ARHGAP36: variants seen among roughly 807,000 people sequenced by gnomAD.
ARHGAP36 encodes the protein rho GTPase-activating protein 36.
ARHGAP36 carries 7 observed loss-of-function variants against 32.9 expected under a neutral mutation model. That is an observed-to-expected ratio of 0.21 (90% CI 0.12 to 0.40). The LOEUF (loss-of-function observed/expected upper bound fraction) is 0.40, where lower values mean the gene tolerates loss of function less well. ARHGAP36 is among the 10% of genes least tolerant of loss of function. ARHGAP36 has a pLI of 1.00. For missense variants in ARHGAP36, 383 were observed against 442.2 expected (o/e 0.87, Z 1.20); for synonymous variants, 165 against 168.3 (o/e 0.98, Z 0.15).
At chrX:131,068,887 C>T (rs908100350) in intron 1 of ARHGAP36, among the ~76,000 whole-genome samples, 4 of 111,710 alleles carry the variant, frequency 3.6e-5, no homozygotes, top group Non-Finnish European at 1.9e-5. Flanking sequence ...TAGAAATCCC[C>T]GACCCCGCGC....
intron 11 of ARHGAP36, among the ~76,000 whole-genome samples, 155 bp downstream of exon 11, chrX:131,086,820 T>C (rs2079838069): frequency 8.9e-6 from 1 of 111,754 alleles, no homozygotes; most frequent in South Asian, 3.8e-4. Context: ...AATATCTTAA[T>C]CAAGGAGTAG....
chrX:131,071,737 C>T (rs1419091633), intron 1 of ARHGAP36, among the ~76,000 whole-genome samples: 1 of 111,719 alleles, frequency 9.0e-6, no homozygotes, highest in Non-Finnish European at 1.9e-5. Flanking sequence ...TCTCCTTTGC[C>T]CAGGCTCTGC....
chrX:131,070,799 T>C (rs1289178214), intron 1 of ARHGAP36, among the ~76,000 whole-genome samples: 1 of 109,174 alleles, frequency 9.2e-6, no homozygotes, highest in East Asian at 2.9e-4. Context: ...ATCGCTGTAA[T>C]CCAGGCCTCT....
chrX:131,078,361 T>C (rs2079776178), intron 1 of ARHGAP36, among the ~76,000 whole-genome samples: 1 of 112,203 alleles, frequency 8.9e-6, no homozygotes, highest in African/African-American at 3.2e-5. Context: ...CTAACACTAG[T>C]AAAAGTATTT....
At chrX:131,068,628 AC>A (rs2079714810) in intron 1 of ARHGAP36, among the ~76,000 whole-genome samples, 1 of 29,586 alleles carries the variant, frequency 3.4e-5, no homozygotes, top group Non-Finnish European at 6.5e-5. Flanking sequence ...CCCCCTCCGC[AC>A]CCCCACCCTC....
At chrX:131,084,433 C>T in intron 5 of ARHGAP36, 26 bp downstream of exon 5, 2 of 1,187,876 alleles carry the variant, frequency 1.7e-6, no homozygotes, top group Non-Finnish European at 1.1e-6. Flanking sequence ...ATGGGTAAAT[C>T]AAGGAAGGAA....
In ARHGAP36 at chrX:131,081,934, G is replaced by T; in HGVS notation, c.253+16G>T. The T allele has an allele frequency of 8.3e-7, 1 of 1,207,814 alleles. No homozygotes were observed. The highest frequency in any genetic ancestry group is 1.1e-6 in the Non-Finnish European group (1 of 893,224). ...CCTGACAGAGGTAAGCTGTACCCCG[G>T]ATTGTGGCATCCTCGCCTTCGGGAG... On this transcript the variant is annotated intron_variant, in intron 2 of 11. Transcript: ENST00000276211.
intron 2 of ARHGAP36, among the ~76,000 whole-genome samples, chrX:131,082,629 G>T (rs2079809122): frequency 8.8e-6 from 1 of 113,499 alleles, no homozygotes; most frequent in African/African-American, 3.2e-5. Flanking sequence ...AACGCAGCTT[G>T]AATTGAGCGA....
In ARHGAP36 at chrX:131,081,681, C is replaced by A. The variant is rs1335634240; in HGVS notation, c.16C>A (p.Pro6Thr). 3 of 1,195,241 alleles carry A rather than the reference C, an allele frequency of 2.5e-6. No homozygotes were observed. Among genetic ancestry groups the A allele is most frequent in the African/African-American group, 3.5e-5 (2 of 56,540 alleles). Residue 6 changes from proline (P) to threonine (T), a missense_variant, in exon 2 of 12, where the codon CCT becomes ACT. Transcript: ENST00000276211. Reference sequence around the variant, plus strand: ...CGATTCCAGAATGGGTGGCTGCATTCCTTTTCTGAAGGCAGCAAGGGCACT... The same window carrying A: ...CGATTCCAGAATGGGTGGCTGCATTACTTTTCTGAAGGCAGCAAGGGCACT... MGGCI[P>T]FLKAARALCP...
chrX:131,066,436 C>T (rs185151681), intron 1 of ARHGAP36, among the ~76,000 whole-genome samples: 1 of 111,798 alleles, frequency 8.9e-6, no homozygotes, highest in East Asian at 2.8e-4. Flanking sequence ...CACCAGCCTA[C>T]GGAGAGCTCC....
Position 131,084,302 on chromosome X carries a change from A to G in ARHGAP36, c.643A>G (p.Ile215Val), listed in dbSNP as rs780684919. 26 of 1,210,095 alleles carry G rather than the reference A, an allele frequency of 2.1e-5. No individual in the cohort carries two copies. Among genetic ancestry groups the G allele is most frequent in the Non-Finnish European group, 1.0e-5 (9 of 895,197 alleles). Residue 215 changes from isoleucine (I) to valine (V), a missense_variant, in exon 5 of 12, where the codon ATT becomes GTT. Ile to Val is a conservative substitution (Grantham distance 29, BLOSUM62 3). Transcript: ENST00000276211. ...TLQLSKISFP[I>V]GQRLLGSKRK... ...GCAGCTTTCAAAAATTTCCTTTCCAATTGGCCAACGACTTCTGGGATCCAA... is the reference window on the plus strand; with the variant it reads ...GCAGCTTTCAAAAATTTCCTTTCCAGTTGGCCAACGACTTCTGGGATCCAA...
Position 131,083,953 on chromosome X carries a change from C to G in ARHGAP36, c.539C>G (p.Thr180Ser). Residue 180 changes from threonine (T) to serine (S), a missense_variant, in exon 4 of 12, where the codon ACT becomes AGT. Transcript: ENST00000276211. ...RNEPTLPREF[T>S]RRGRRGAVSV... ...GAGCCCACCTTGCCCCGGGAGTTCA[C>G]TCGCCGTGGGCGTCGAGTGAGTTAA... 8.3e-7 allele frequency: 1 copy of G among 1,211,342 alleles called. No homozygotes were observed. Among genetic ancestry groups the G allele is most frequent in the East Asian group, 3.0e-5 (1 of 33,813 alleles).
At chrX:131,064,785 T>C (rs907001942) in intron 1 of ARHGAP36, among the ~76,000 whole-genome samples, 6 of 111,437 alleles carry the variant, frequency 5.4e-5, no homozygotes, top group African/African-American at 2.0e-4. Context: ...TCAAGGGCTT[T>C]ACTCTCATGG....
At chrX:131,088,585 A>G in intron 11 of ARHGAP36, 43 bp from the exon 12 acceptor site, 1 of 1,187,302 alleles carries the variant, frequency 8.4e-7, no homozygotes, top group Non-Finnish European at 1.1e-6. Context: ...GCAAAGTATA[A>G]AGTCTAGAAA....
intron 3 of ARHGAP36, 90 bp from the exon 4 acceptor site, chrX:131,083,644 G>T: frequency 1.1e-6 from 1 of 938,396 alleles, no homozygotes; most frequent in Non-Finnish European, 1.5e-6. Flanking sequence ...GCGGGTGGTT[G>T]CTGGGAGGAG....
At chrX:131,072,340 G>A (rs1394002932) in intron 1 of ARHGAP36, among the ~76,000 whole-genome samples, 1 of 112,009 alleles carries the variant, frequency 8.9e-6, no homozygotes, top group Non-Finnish European at 1.9e-5. Context: ...GAAGACCAGA[G>A]GCCCTAGACA....
At chrX:131,084,090 G>T (rs2079821422) in intron 4 of ARHGAP36, 121 bp downstream of exon 4, 10 of 1,035,691 alleles carry the variant, frequency 9.7e-6, no homozygotes, top group Non-Finnish European at 1.2e-5. Flanking sequence ...ATATGTTGAA[G>T]TGGTGTCCTT....
At chrX:131,063,308 T>C (rs2079679477) in intron 1 of ARHGAP36, among the ~76,000 whole-genome samples, 1 of 111,381 alleles carries the variant, frequency 9.0e-6, no homozygotes, top group African/African-American at 3.3e-5. Flanking sequence ...CAGCAGCTGG[T>C]AGGTCCCTGC....
chrX:131,058,806 G>T (rs1416473731), intron 1 of ARHGAP36, among the ~76,000 whole-genome samples: 1 of 113,386 alleles, frequency 8.8e-6, no homozygotes, highest in Non-Finnish European at 1.9e-5. Context: ...TCCCTGACAG[G>T]GCAAGCCAGG....
Sources: gnomAD v4.1 joint callset for allele counts (sites outside exome capture counted in the v4.1 genomes callset) on GRCh38, gnomAD v4.1.1 for gene constraint, MANE v1.5 for transcripts, NCBI Gene and HGNC (gene_info 2026-07-23, HGNC 2026-07-21) for gene names.